ARIH2: variants seen among roughly 807,000 people sequenced by gnomAD.
ARIH2 encodes E3 ubiquitin-protein ligase ARIH2.
ARIH2 carries 12 observed loss-of-function variants against 79.8 expected under a neutral mutation model. The observed-to-expected ratio is 0.15, with a 90% CI of 0.10 to 0.24. ARIH2 has a LOEUF of 0.24. ARIH2 is among the 10% of genes least tolerant of loss of function. ARIH2 has a pLI of 1.00. For missense variants in ARIH2, 301 were observed against 618.3 expected (o/e 0.49, Z 5.44); for synonymous variants, 224 against 213.9 (o/e 1.05, Z -0.41).
chr3:48,939,989 C>T (rs928871929), intron 3 of ARIH2, among the ~76,000 whole-genome samples: 8 of 151,874 alleles, frequency 5.3e-5, no homozygotes, highest in East Asian at 1.9e-4. Context: ...TTTGGGAGGC[C>T]GAGGCAGGTG....
chr3:48,923,131 C>T (rs1008473121), intron 2 of ARIH2, among the ~76,000 whole-genome samples: 2 of 151,208 alleles, frequency 1.3e-5, no homozygotes, highest in Admixed American at 6.6e-5. Context: ...GGCGTGAACC[C>T]GGGAGGCAGA....
intron 1 of ARIH2, chr3:48,919,392 C>T (rs2084422080): frequency 4.9e-6 from 2 of 412,282 alleles, no homozygotes; most frequent in Admixed American, 4.6e-5. Context: ...GGAGGGTATC[C>T]CCAGCTCGCG....
intron 3 of ARIH2, among the ~76,000 whole-genome samples, chr3:48,942,645 ATTTTT>A (rs745532484): frequency 3.8e-5 from 4 of 104,744 alleles, no homozygotes; most frequent in African/African-American, 1.5e-4. Context: ...TGCCCGGCTA[ATTTTT>A]TTTTTTTTTT....
chr3:48,919,259 G>C (rs927851069), intron 1 of ARIH2: 1 of 1,182,290 alleles, frequency 8.5e-7, no homozygotes, highest in African/African-American at 1.6e-5. Context: ...AACCGGCGCC[G>C]GCACATCTAG....
At chr3:48,967,053 G>A in intron 5 of ARIH2, 72 bp from the exon 6 acceptor site, 11 of 1,509,032 alleles carry the variant, frequency 7.3e-6, no homozygotes, top group Non-Finnish European at 9.9e-6. Context: ...CATGCACCCG[G>A]CTGCATGAGG....
chr3:48,968,408 C>T (rs2091952071), intron 6 of ARIH2, 126 bp from the exon 7 acceptor site: 1 of 838,936 alleles, frequency 1.2e-6, no homozygotes, highest in Non-Finnish European at 1.9e-6. Context: ...TGGGTTTCTC[C>T]ATATTGGTCA....
In ARIH2 at chr3:48,971,642, T is replaced by G. The variant is rs529875965; in HGVS notation, c.770+938T>G. 8.5e-5 allele frequency among the ~76,000 whole-genome samples: 13 copies of G among 152,348 alleles called. No individual in the cohort carries two copies. The South Asian group carries it at 2.1e-3, about 24-fold the overall frequency. ...CAGATCTGTCCTAATCATACCTCCC[T>G]GGAATATTCATGGTGGGGCTTCAGA... is the stretch of plus-strand genomic sequence containing the variant. On this transcript the variant is annotated intron_variant, in intron 8 of 15. Coordinates refer to ENST00000356401, the MANE Select transcript of ARIH2 (RefSeq NM_006321.4).
In ARIH2 at chr3:48,983,220, A is replaced by G. The variant is rs1559875485; in HGVS notation, c.1432A>G (p.Ile478Val). 1 of 1,614,248 alleles carries G rather than the reference A, an allele frequency of 6.2e-7. No homozygotes were observed. The highest frequency in any genetic ancestry group is 8.5e-7 in the Non-Finnish European group (1 of 1,180,044). Residue 478 changes from isoleucine to valine, a missense_variant, in exon 16 of 16, where the codon ATA (isoleucine) becomes GTA (valine). Physicochemically the swap from Ile to Val is conservative, Grantham distance 29. Transcript: ENST00000356401. ...GCAGGACTTGGAGAACCAGATGCAT[A>G]TAGCGGAGCAGCGGAGGAGAACCCT... ...DRGDLENQMH[I>V]AEQRRRTLLK...
At position 48,983,321 on chromosome 3, in the gene ARIH2, C is replaced by T. The variant is rs759968844; in HGVS notation, c.*51C>T. The stretch of plus-strand genomic sequence containing the variant: ...AGGAAGATGTGGCTGCAAGGTCTCC[C>T]GGCTGCCATACTGCATGCTGCAGGC... On this transcript the variant is annotated 3_prime_UTR_variant, in exon 16 of 16. Transcript: ENST00000356401. 19 of 1,579,176 alleles carry T rather than the reference C, an allele frequency of 1.2e-5. No homozygotes were observed. The South Asian group carries it at 1.7e-4, about 14-fold the overall frequency.
rs1162652846 is a variant in ARIH2 at position 48,920,859 on chromosome 3, G to A, written c.-162+1861G>A. ...GCCTGTAATCCAGTGAGCCGAGATCGCGCCACTGCACTCCAGCAAGACTCT... is the reference window on the plus strand; with the variant it reads ...GCCTGTAATCCAGTGAGCCGAGATCACGCCACTGCACTCCAGCAAGACTCT... On this transcript the variant is annotated intron_variant, in intron 1 of 15. Coordinates refer to ENST00000356401, the MANE Select transcript of ARIH2 (RefSeq NM_006321.4). 3.3e-5 allele frequency among the ~76,000 whole-genome samples: 2 copies of A among 60,108 alleles called. 1 individual carries two copies. Among genetic ancestry groups the A allele is most frequent in the Non-Finnish European group, 6.4e-5 (2 of 31,108 alleles). The allele number at this position is 60,108 out of a possible 152,430, so 39.4% of individuals were successfully genotyped here. A position where few individuals can be genotyped will look rare whatever the true frequency, so the allele number is the denominator to read the frequency against.
intron 8 of ARIH2, among the ~76,000 whole-genome samples, chr3:48,971,655 G>A (rs973533095): frequency 6.6e-6 from 1 of 152,180 alleles, no homozygotes; most frequent in African/African-American, 2.4e-5. Flanking sequence ...AATATTCATG[G>A]TGGGGCTTCA....
At chr3:48,977,746 C>T (rs2092585703) in intron 11 of ARIH2, among the ~76,000 whole-genome samples, 3 of 152,164 alleles carry the variant, frequency 2.0e-5, no homozygotes, top group South Asian at 4.1e-4. Flanking sequence ...CGTGAGGCAC[C>T]GTGCCCGGCC....
intron 3 of ARIH2, among the ~76,000 whole-genome samples, chr3:48,937,027 CAAAA>C (rs1205479787): frequency 1.5e-5 from 2 of 136,886 alleles, no homozygotes; most frequent in Non-Finnish European, 3.2e-5. Context: ...GACTCCGTCT[CAAAA>C]AAAAAAACAT....
intron 3 of ARIH2, among the ~76,000 whole-genome samples, chr3:48,930,681 A>G (rs892517295): frequency 2.6e-5 from 4 of 152,096 alleles, no homozygotes; most frequent in Non-Finnish European, 4.4e-5. Context: ...TGCTTAGTTT[A>G]CCCAATGGTG....
At chr3:48,919,165 G>T in intron 1 of ARIH2, 167 bp downstream of exon 1, 1 of 1,299,870 alleles carries the variant, frequency 7.7e-7, no homozygotes, top group East Asian at 2.9e-5. Flanking sequence ...GCCGTCAGCG[G>T]CCGGGCGCCC....
At chr3:48,964,259 G>A (rs776597246) in intron 4 of ARIH2, among the ~76,000 whole-genome samples, 5 of 151,362 alleles carry the variant, frequency 3.3e-5, no homozygotes, top group Admixed American at 6.6e-5. Flanking sequence ...TACCCACCTC[G>A]GCCTCCCAAA....
chr3:48,973,730 A>G lies in ARIH2; in HGVS notation c.802A>G (p.Thr268Ala). 6.2e-7 allele frequency: 1 copy of G among 1,614,166 alleles called. No individual in the cohort carries two copies. The highest frequency in any genetic ancestry group is 8.5e-7 in the Non-Finnish European group (1 of 1,179,994). Residue 268 changes from threonine (T) to alanine (A), a missense_variant, in exon 9 of 16, where the codon ACA becomes GCA. Physicochemically the swap from Thr to Ala is moderately conservative, Grantham distance 58. This residue lies in a region of ARIH2 where 223 missense variants were observed against 349.4 expected (regional missense o/e 0.64). Transcript: ENST00000356401. ...GTGTCGTCAGATGTATCACGCACCCACAGACTGTGCCACAATCCGGAAATG... is the reference window on the plus strand; with the variant it reads ...GTGTCGTCAGATGTATCACGCACCCGCAGACTGTGCCACAATCCGGAAATG... The part of the protein sequence containing the change: ...FKCRQMYHAP[T>A]DCATIRKWLT...
At chr3:48,947,538 TA>T (rs2089360934) in intron 3 of ARIH2, among the ~76,000 whole-genome samples, 2 of 152,208 alleles carry the variant, frequency 1.3e-5, no homozygotes, top group African/African-American at 4.8e-5. Context: ...AGCACTATTA[TA>T]CTGTACTCTA....
intron 2 of ARIH2, chr3:48,926,866 C>A (rs114001974): frequency 0.013 from 1,964 of 152,622 alleles, 15 homozygotes; most frequent in Middle Eastern, 0.054. Context: ...ACTCTTTAAA[C>A]CTGAAAAATC....
Sources: allele counts gnomAD v4.1 joint callset (sites outside exome capture counted in the v4.1 genomes callset), GRCh38; gene constraint gnomAD v4.1.1; regional missense constraint gnomAD v4.1.1; transcripts MANE v1.5; gene names NCBI Gene and HGNC (gene_info 2026-07-23, HGNC 2026-07-21).